Variants in MKLN1 observed in about 807,000 individuals in gnomAD.
MKLN1 encodes the protein muskelin 1.
A neutral mutation model predicts 99.0 loss-of-function variants in MKLN1; 18 were observed. That is an observed-to-expected ratio of 0.18 (90% CI 0.13 to 0.27). The LOEUF is 0.27. MKLN1 is among the 10% of genes least tolerant of loss of function. MKLN1 has a pLI of 1.00. For synonymous variants in MKLN1, 288 were observed against 293.2 expected (o/e 0.98, Z 0.18); for missense variants, 621 against 875.9 (o/e 0.71, Z 3.67).
At chr7:131,161,753 G>A (rs1387880239) in intron 2 of MKLN1, among the ~76,000 whole-genome samples, 3 of 151,190 alleles carry the variant, frequency 2.0e-5, no homozygotes, top group Non-Finnish European at 3.0e-5. Flanking sequence ...GGGTTTCACC[G>A]TGGTCTCGAT....
chr7:131,190,280 G>T (rs1203718305), intron 2 of MKLN1, among the ~76,000 whole-genome samples: 1 of 152,112 alleles, frequency 6.6e-6, no homozygotes, highest in Non-Finnish European at 1.5e-5. Context: ...ATTACAAGTT[G>T]GAGGCAGCAT....
Position 131,387,818 on chromosome 7 carries a change from C to A in MKLN1, c.311+556C>A, listed in dbSNP as rs186402203. ...ATGAAGGTGTTAATTTGCTGCCCAG[C>A]AAATGAAAAATCAGATAGCTAATGG... On this transcript the variant is annotated intron_variant, in intron 3 of 17. Coordinates refer to ENST00000352689, the MANE Select transcript of MKLN1 (RefSeq NM_013255.5). Among the ~76,000 whole-genome samples, 155 of 152,098 alleles carry A rather than the reference C, an allele frequency of 1.0e-3. 1 individual carries two copies. Among genetic ancestry groups the A allele is most frequent in the African/African-American group, 3.7e-3 (154 of 41,484 alleles).
chr7:131,122,849 A>G (rs1207356237), intron 1 of MKLN1, among the ~76,000 whole-genome samples: 2 of 151,654 alleles, frequency 1.3e-5, no homozygotes, highest in South Asian at 2.1e-4. Flanking sequence ...GTGAAACCCC[A>G]TCTCTACTAA....
rs1156976714 is a variant in MKLN1, at chr7:131,492,377, TTTTC to T, written c.*4653_*4656del. ...GTTGCCATGAAATGATTGCTTTTCT[TTTTC>T]TTTTTTTTTCCTTAAATAAAAATAA... is the stretch of plus-strand genomic sequence containing the variant. On this transcript the variant is annotated 3_prime_UTR_variant, in exon 18 of 18. Transcript: ENST00000352689. 1 of 152,174 alleles carries T rather than the reference TTTTC, an allele frequency of 6.6e-6. No individual in the cohort carries two copies. Among genetic ancestry groups the T allele is most frequent in the African/African-American group, 2.4e-5 (1 of 41,450 alleles). 9.4% of individuals were successfully genotyped at this position (152,174 alleles called of 1,614,324 possible). A position where few individuals can be genotyped will look rare whatever the true frequency, so the allele number is the denominator to read the frequency against.
intron 2 of MKLN1, among the ~76,000 whole-genome samples, chr7:131,153,813 C>G (rs1038106920): frequency 2.0e-5 from 3 of 151,890 alleles, no homozygotes; most frequent in African/African-American, 7.3e-5. Context: ...CAGGCGTGCA[C>G]CACCATGCTT....
At chr7:131,414,032 G>A (rs1794948932) in intron 7 of MKLN1, among the ~76,000 whole-genome samples, 1 of 152,090 alleles carries the variant, frequency 6.6e-6, no homozygotes, top group South Asian at 2.1e-4. Flanking sequence ...AAAATAGTTG[G>A]TAAATTAGGT....
At chr7:131,364,962 A>C (rs563506965) in intron 1 of MKLN1, among the ~76,000 whole-genome samples, 33 of 152,210 alleles carry the variant, frequency 2.2e-4, no homozygotes, top group African/African-American at 6.0e-4. Flanking sequence ...AATGATTTCT[A>C]TTCCTCTGGG....
At chr7:131,393,892 T>G (rs1431027041) in intron 4 of MKLN1, among the ~76,000 whole-genome samples, 2 of 152,108 alleles carry the variant, frequency 1.3e-5, no homozygotes, top group Non-Finnish European at 2.9e-5. Flanking sequence ...TCCCAAAGTG[T>G]TGGGATTACA....
chr7:131,192,098 GTA>G lies in MKLN1; in HGVS notation c.-296-10749_-296-10748del, dbSNP rs1164946612. 2.1e-3 allele frequency among the ~76,000 whole-genome samples: 154 copies of G among 72,932 alleles called. 16 individuals carry two copies. Among genetic ancestry groups the G allele is most frequent in the South Asian group, 0.011 (30 of 2,754 alleles). 47.8% of individuals were successfully genotyped at this position (72,932 alleles called of 152,430 possible). On this transcript the variant is annotated intron_variant, in intron 2 of 7. Coordinates refer to the MKLN1 transcript ENST00000416992. ...ATATACATATATATTATATATATAT[GTA>G]TATATATATTATATATATACGTATA...
intron 2 of MKLN1, among the ~76,000 whole-genome samples, chr7:131,195,009 T>C (rs2116394937): frequency 6.6e-6 from 1 of 152,310 alleles, no homozygotes; most frequent in Middle Eastern, 3.4e-3. Context: ...CACGGGCACC[T>C]CCAAAGTTAT....
chr7:131,135,354 C>T (rs1795633140), intron 1 of MKLN1, among the ~76,000 whole-genome samples: 1 of 152,176 alleles, frequency 6.6e-6, no homozygotes. Flanking sequence ...AACTCCTGAC[C>T]TCAGGTGATC....
At chr7:131,190,060 T>A (rs1276628965) in intron 2 of MKLN1, among the ~76,000 whole-genome samples, 1 of 152,146 alleles carries the variant, frequency 6.6e-6, no homozygotes, top group African/African-American at 2.4e-5. Context: ...CCTGGTGGGT[T>A]ACTTAGAAGA....
At chr7:131,234,069 T>G (rs1797280840) in intron 3 of MKLN1, among the ~76,000 whole-genome samples, 2 of 152,102 alleles carry the variant, frequency 1.3e-5, no homozygotes, top group Non-Finnish European at 2.9e-5. Flanking sequence ...AACCTCCACT[T>G]CCCGGGTTCA....
intron 1 of MKLN1, among the ~76,000 whole-genome samples, chr7:131,122,198 G>A (rs1795383466): frequency 6.6e-6 from 1 of 152,206 alleles, no homozygotes; most frequent in African/African-American, 2.4e-5. Flanking sequence ...AAGATGCATG[G>A]CAAGAAAGGC....
intron 1 of MKLN1, among the ~76,000 whole-genome samples, chr7:131,141,077 C>A (rs532906958): frequency 6.6e-6 from 1 of 152,250 alleles, no homozygotes; most frequent in African/African-American, 2.4e-5. Flanking sequence ...AGCCACTGTA[C>A]CTGGCCTACA....
At chr7:131,151,278 A>AT (rs1795885338) in intron 2 of MKLN1, among the ~76,000 whole-genome samples, 1 of 152,210 alleles carries the variant, frequency 6.6e-6, no homozygotes, top group African/African-American at 2.4e-5. Flanking sequence ...TAGTAAAACC[A>AT]TAAGAAAATT....
intron 8 of MKLN1, among the ~76,000 whole-genome samples, chr7:131,420,216 A>G (rs1795149545): frequency 6.6e-6 from 1 of 152,038 alleles, no homozygotes; most frequent in Non-Finnish European, 1.5e-5. Flanking sequence ...AGTATGTGGA[A>G]TGAGCCCATC....
chr7:131,244,637 G>C (rs1797457529), intron 3 of MKLN1, among the ~76,000 whole-genome samples: 1 of 152,204 alleles, frequency 6.6e-6, no homozygotes, highest in South Asian at 2.1e-4. Context: ...AAAGTGGTTG[G>C]CAGACAGCAA....
intron 2 of MKLN1, among the ~76,000 whole-genome samples, chr7:131,185,224 T>G (rs1261166542): frequency 6.6e-6 from 1 of 152,106 alleles, no homozygotes; most frequent in Non-Finnish European, 1.5e-5. Context: ...ACTCCTAACC[T>G]TAAGCACGTG....
Sources: allele counts gnomAD v4.1 joint callset (sites outside exome capture counted in the v4.1 genomes callset), GRCh38; gene constraint gnomAD v4.1.1; transcripts MANE v1.5; gene names NCBI Gene and HGNC (gene_info 2026-07-23, HGNC 2026-07-21).